The following CREM variants were observed in gnomAD, a reference collection of about 807,000 sequenced individuals.
CREM encodes the protein cAMP responsive element modulator, also known as cAMP-responsive element modulator.
Under a neutral mutation model 37.3 loss-of-function variants are expected in CREM, and 13 were observed. That is an observed-to-expected ratio of 0.35 (90% CI 0.23 to 0.55). CREM has a LOEUF of 0.55. Among genes scored for constraint, CREM ranks in the 20% least tolerant of loss-of-function variants. The pLI, the probability that CREM is intolerant of heterozygous loss-of-function variation, is 0.88. For missense variants in CREM, 296 were observed against 362.3 expected, an observed-to-expected ratio of 0.82 and a Z score of 1.49; for synonymous variants, 124 against 120.2, an observed-to-expected ratio of 1.03 and a Z score of -0.21.
At chr10:35,201,507 A>G in intron 6 of CREM, 2 of 1,551,680 alleles carry the variant, frequency 1.3e-6, no homozygotes, top group South Asian at 2.4e-5. Context: ...GAGCTGGACT[A>G]GAACCCAGAC....
intron 6 of CREM, among the ~76,000 whole-genome samples, chr10:35,200,784 T>C (rs890298271): frequency 6.6e-6 from 1 of 152,222 alleles, no homozygotes; most frequent in African/African-American, 2.4e-5. Flanking sequence ...ATTAGTGCCA[T>C]GCTGTGAAAT....
chr10:35,205,813 C>T (rs1159517401), intron 6 of CREM, among the ~76,000 whole-genome samples: 4 of 152,064 alleles, frequency 2.6e-5, no homozygotes, highest in Admixed American at 1.3e-4. Flanking sequence ...ACAAAATTAG[C>T]CAGGTGTCGT....
intron 3 of CREM, among the ~76,000 whole-genome samples, chr10:35,156,073 G>A: frequency 6.6e-6 from 1 of 150,626 alleles, no homozygotes; most frequent in Admixed American, 6.6e-5. Flanking sequence ...CTTAGTAGCA[G>A]AGACTACAGG....
At chr10:35,189,546 C>T (rs1564931876) in intron 6 of CREM, among the ~76,000 whole-genome samples, 1 of 152,070 alleles carries the variant, frequency 6.6e-6, no homozygotes, top group Non-Finnish European at 1.5e-5. Context: ...GACAGAGTCT[C>T]GCTCTGTTGC....
chr10:35,180,363 A>G (rs2094302485), intron 5 of CREM, among the ~76,000 whole-genome samples: 1 of 152,250 alleles, frequency 6.6e-6, no homozygotes, highest in Non-Finnish European at 1.5e-5. Flanking sequence ...TCTTAATTTA[A>G]GTCCTGACTA....
Position 35,211,498 on chromosome 10 carries a change from T to C in CREM, c.*100T>C. On this transcript the variant is annotated 3_prime_UTR_variant, in exon 8 of 8. Coordinates refer to ENST00000685392, the MANE Select transcript of CREM (RefSeq NM_183011.2). ...TTGTGGGAAGGACACGTGTGACCCT[T>C]AAGAATCCAGTTTGGATTAGTGTTT... The C allele has an allele frequency of 6.6e-7, 1 of 1,511,654 alleles. No individual in the cohort carries two copies. Among genetic ancestry groups the C allele is most frequent in the African/African-American group, 1.4e-5 (1 of 72,038 alleles). 93.6% of individuals were successfully genotyped at this position (1,511,654 alleles called of 1,614,324 possible). A position where few individuals can be genotyped will look rare whatever the true frequency, so the allele number is the denominator to read the frequency against.
intron 6 of CREM, among the ~76,000 whole-genome samples, chr10:35,199,168 AATTTC>A (rs1393900266): frequency 6.6e-6 from 1 of 152,252 alleles, no homozygotes; most frequent in African/African-American, 2.4e-5. Flanking sequence ...AAAAAAGAAT[AATTTC>A]ATTTAGGTGT....
At position 35,148,480 on chromosome 10, in the gene CREM, G is replaced by T; in HGVS notation, c.157G>T (p.Ala53Ser). ...QTQTGQNSIPALAQVAAIAET... is the reference protein window; with the variant it reads ...QTQTGQNSIPSLAQVAAIAET... ...TCAGACTGGCCAAAATTCAATCCCT[G>T]CTTTAGCTCAGGTAGGCAATAGGCA... is the stretch of plus-strand genomic sequence containing the variant. Residue 53 changes from alanine to serine, a missense_variant, in exon 3 of 8, where the codon GCT becomes TCT. Coordinates refer to ENST00000685392, the MANE Select transcript of CREM (RefSeq NM_183011.2). The T allele has an allele frequency of 6.8e-6, 11 of 1,611,278 alleles. No individual in the cohort carries two copies. The highest frequency in any genetic ancestry group is 6.8e-6 in the Non-Finnish European group (8 of 1,178,950).
chr10:35,211,281 GAAGA>G lies in CREM; in HGVS notation c.789_792del (p.Lys263AsnfsTer35). 6.2e-7 allele frequency: 1 copy of G among 1,613,968 alleles called. No homozygotes were observed. The highest frequency in any genetic ancestry group is 8.5e-7 in the Non-Finnish European group (1 of 1,179,952). On this transcript the variant is annotated frameshift_variant, in exon 8 of 8. Coordinates refer to ENST00000685392, the MANE Select transcript of CREM (RefSeq NM_183011.2). LOFTEE classifies it high-confidence loss of function. ...AAGCTGCCCGGGAGTGTCGCAGGAA[GAAGA>G]AAGAATATGTCAAATGTCTTGAAAA... is the stretch of plus-strand genomic sequence containing the variant.
chr10:35,138,435 T>C (rs1301539504), intron 2 of CREM, among the ~76,000 whole-genome samples: 1 of 152,194 alleles, frequency 6.6e-6, no homozygotes, highest in Non-Finnish European at 1.5e-5. Context: ...GGATTCTATT[T>C]TTAGAAGAGA....
At chr10:35,197,163 T>A (rs1208437694) in intron 6 of CREM, among the ~76,000 whole-genome samples, 16 of 152,112 alleles carry the variant, frequency 1.1e-4, no homozygotes, top group Admixed American at 1.0e-3. Flanking sequence ...ATTTTTGACA[T>A]TTGTTTTTAC....
At chr10:35,196,865 CTT>C (rs58503822) in intron 6 of CREM, among the ~76,000 whole-genome samples, 5 of 108,934 alleles carry the variant, frequency 4.6e-5, no homozygotes, top group South Asian at 3.2e-4. Context: ...ACGCTGTGTA[CTT>C]TTTTTTTTTT....
rs1335143474 is a variant in CREM, at chr10:35,175,963, A to G, written c.169-2926A>G. 10 of 1,551,210 alleles carry G rather than the reference A, an allele frequency of 6.4e-6. No individual in the cohort carries two copies. In the East Asian group the frequency reaches 2.2e-4, roughly 34 times the overall value. ...AGGGAGTAATTCAGACACCACAGCC[A>G]TGGGTTATTCAGTCATCAGAAATAC... On this transcript the variant is annotated intron_variant, in intron 3 of 7. Transcript: ENST00000685392.
chr10:35,200,491 A>C (rs894995752), intron 6 of CREM, among the ~76,000 whole-genome samples: 2 of 152,200 alleles, frequency 1.3e-5, no homozygotes, highest in African/African-American at 2.4e-5. Flanking sequence ...TATGTGGTCT[A>C]TGTGTTATAG....
At chr10:35,137,634 G>A (rs1306993486) in intron 1 of CREM, 148 bp from the exon 2 acceptor site, 1 of 316,496 alleles carries the variant, frequency 3.2e-6, no homozygotes, top group Non-Finnish European at 5.7e-6. Flanking sequence ...TGGTGGGGGG[G>A]AGTTATTTTT....
chr10:35,161,731 C>T (rs1329655154), intron 3 of CREM, among the ~76,000 whole-genome samples: 2 of 151,862 alleles, frequency 1.3e-5, no homozygotes, highest in Non-Finnish European at 2.9e-5. Flanking sequence ...GAGATATCAC[C>T]TTCCTCTTGT....
intron 6 of CREM, among the ~76,000 whole-genome samples, chr10:35,202,009 T>C (rs1423198038): frequency 3.9e-5 from 6 of 152,200 alleles, no homozygotes; most frequent in Non-Finnish European, 7.3e-5. Context: ...TCTAGGGGTT[T>C]CTGGGGTTAA....
chr10:35,131,693 T>G (rs570278935), intron 1 of CREM, among the ~76,000 whole-genome samples: 6 of 152,300 alleles, frequency 3.9e-5, no homozygotes, highest in African/African-American at 1.4e-4. Context: ...CCAATCTAGG[T>G]AAGTAAAATA....
chr10:35,192,681 G>T lies in CREM; in HGVS notation c.598+4293G>T, dbSNP rs117551243. ...TCTTTTTAATAAGGGCACTAATCCT[G>T]TTCACAAGGGTGTCACCCTCATGAC... On this transcript the variant is annotated intron_variant, in intron 6 of 7. Coordinates refer to ENST00000685392, the MANE Select transcript of CREM (RefSeq NM_183011.2). Among the ~76,000 whole-genome samples, 14 of 152,178 alleles carry T rather than the reference G, an allele frequency of 9.2e-5. No homozygotes were observed. In the East Asian group the frequency reaches 2.1e-3, roughly 23 times the overall value.
Sources: allele counts gnomAD v4.1 joint callset (sites outside exome capture counted in the v4.1 genomes callset), GRCh38; gene constraint gnomAD v4.1.1; transcripts MANE v1.5; gene names NCBI Gene and HGNC (gene_info 2026-07-23, HGNC 2026-07-21).